GMDS: variants seen among roughly 807,000 people sequenced by gnomAD.
The protein encoded by GMDS is GDP-mannose 4,6-dehydratase.
GMDS carries 20 observed loss-of-function variants against 49.9 expected under a neutral mutation model. The observed-to-expected ratio is 0.40, with a 90% confidence interval of 0.28 to 0.58. GMDS has a LOEUF of 0.58. Among genes scored for constraint, GMDS ranks in the 20% least tolerant of loss-of-function variants. GMDS has a pLI of 0.42. For missense variants in GMDS, 362 were observed against 481.4 expected (o/e 0.75, Z 2.32); for synonymous variants, 177 against 178.6 (o/e 0.99, Z 0.07).
At chr6:1,845,959 C>A (rs1757387974) in intron 7 of GMDS, among the ~76,000 whole-genome samples, 1 of 152,064 alleles carries the variant, frequency 6.6e-6, no homozygotes, top group Non-Finnish European at 1.5e-5. Flanking sequence ...GGCATGAGGA[C>A]ATAGTGGAGT....
intron 1 of GMDS, among the ~76,000 whole-genome samples, chr6:2,196,462 A>T (rs1244376761): frequency 2.0e-5 from 3 of 152,152 alleles, no homozygotes; most frequent in African/African-American, 7.2e-5. Context: ...TACAGAAGGC[A>T]CTCCTGAAAT....
At chr6:2,027,611 A>T (rs541071370) in intron 4 of GMDS, among the ~76,000 whole-genome samples, 2 of 152,168 alleles carry the variant, frequency 1.3e-5, no homozygotes, top group Non-Finnish European at 2.9e-5. Flanking sequence ...TGCTCTATGA[A>T]CATGGCAGCT....
At chr6:1,984,610 T>C (rs1247767736) in intron 4 of GMDS, among the ~76,000 whole-genome samples, 2 of 152,190 alleles carry the variant, frequency 1.3e-5, no homozygotes, top group East Asian at 3.9e-4. Flanking sequence ...CATTGGCCTA[T>C]AGGCAAAATT....
intron 7 of GMDS, among the ~76,000 whole-genome samples, chr6:1,847,080 A>T (rs1320150087): frequency 6.6e-6 from 1 of 152,152 alleles, no homozygotes; most frequent in Non-Finnish European, 1.5e-5. Flanking sequence ...AAAATAAAAG[A>T]CGGTCTTGCT....
chr6:1,903,370 C>T (rs184997408), intron 7 of GMDS, among the ~76,000 whole-genome samples: 6 of 152,258 alleles, frequency 3.9e-5, no homozygotes, highest in South Asian at 2.1e-4. Context: ...TTTCTTCAAT[C>T]GGAATTTAAT....
intron 9 of GMDS, among the ~76,000 whole-genome samples, chr6:1,722,573 C>T (rs1766424872): frequency 6.6e-6 from 1 of 152,116 alleles, no homozygotes; most frequent in African/African-American, 2.4e-5. Context: ...AAGTACTTTG[C>T]ATAACTGACT....
intron 9 of GMDS, among the ~76,000 whole-genome samples, chr6:1,655,443 T>C (rs1212150384): frequency 1.3e-5 from 2 of 151,934 alleles, no homozygotes; most frequent in African/African-American, 2.4e-5. Flanking sequence ...GTAAAATATT[T>C]ACATTAGTTT....
At chr6:2,223,970 C>A (rs544573832) in intron 1 of GMDS, among the ~76,000 whole-genome samples, 4 of 152,152 alleles carry the variant, frequency 2.6e-5, no homozygotes, top group Admixed American at 2.0e-4. Flanking sequence ...GTGGGCAGAA[C>A]AATGCACTGA....
chr6:1,706,452 C>T (rs1162597166), intron 9 of GMDS, among the ~76,000 whole-genome samples: 1 of 152,232 alleles, frequency 6.6e-6, no homozygotes. Context: ...TTGTCTCTTT[C>T]CTCATGCGTT....
intron 7 of GMDS, among the ~76,000 whole-genome samples, chr6:1,810,351 T>C (rs1283498325): frequency 1.3e-5 from 2 of 152,126 alleles, no homozygotes; most frequent in African/African-American, 4.8e-5. Context: ...TGGAGTGCAG[T>C]GACTCACTGC....
chr6:1,717,272 A>ATGTT, intron 9 of GMDS, among the ~76,000 whole-genome samples: 1 of 152,386 alleles, frequency 6.6e-6, no homozygotes, highest in East Asian at 1.9e-4. Flanking sequence ...AAACCAACAT[A>ATGTT]GATTTTAGAC....
In GMDS at chr6:2,116,822, G is replaced by A. The variant is rs78401306; in HGVS notation, c.235+647C>T. On this transcript the variant is annotated intron_variant, in intron 3 of 10. Transcript: ENST00000380815. ...GACAGCTCTGCCTTCTTCACAGTGC[G>A]CAACCTCAGAAAACTCATAACCTCT... Among the ~76,000 whole-genome samples the A allele has an allele frequency of 0.011, 1,661 of 152,250 alleles. 63 individuals are homozygous for A. The East Asian group carries it at 0.11, about 10-fold the overall frequency.
chr6:1,782,379 T>A (rs919989732), intron 7 of GMDS, among the ~76,000 whole-genome samples: 28 of 152,238 alleles, frequency 1.8e-4, no homozygotes, highest in Non-Finnish European at 3.7e-4. Context: ...CTTATTTATC[T>A]TGAGTAAGGA....
chr6:1,808,293 T>A (rs1770265496), intron 7 of GMDS, among the ~76,000 whole-genome samples: 1 of 152,226 alleles, frequency 6.6e-6, no homozygotes, highest in African/African-American at 2.4e-5. Flanking sequence ...TTCCTTATGA[T>A]GAGGCTTGGC....
intron 1 of GMDS, among the ~76,000 whole-genome samples, chr6:2,234,196 TCTC>T (rs528636169): frequency 6.6e-6 from 1 of 152,154 alleles, no homozygotes; most frequent in Non-Finnish European, 1.5e-5. Context: ...GTCCTTTTAT[TCTC>T]CTCTCAAACA....
At chr6:1,716,766 C>A (rs1766190357) in intron 9 of GMDS, among the ~76,000 whole-genome samples, 1 of 152,178 alleles carries the variant, frequency 6.6e-6, no homozygotes. Flanking sequence ...ATTGTGAATT[C>A]TTTCCCAGTT....
chr6:2,169,642 A>C (rs1346300900), intron 1 of GMDS, among the ~76,000 whole-genome samples: 3 of 151,992 alleles, frequency 2.0e-5, no homozygotes, highest in African/African-American at 7.2e-5. Context: ...AAAAACAAAA[A>C]AAAAGGCAAT....
intron 6 of GMDS, among the ~76,000 whole-genome samples, chr6:1,944,396 T>A (rs1406710127): frequency 6.6e-6 from 1 of 151,872 alleles, no homozygotes; most frequent in Non-Finnish European, 1.5e-5. Flanking sequence ...TCCCAGCTGC[T>A]CGGGAGGCTG....
intron 4 of GMDS, among the ~76,000 whole-genome samples, chr6:2,047,082 T>C (rs1439862108): frequency 6.6e-6 from 1 of 152,228 alleles, no homozygotes; most frequent in Non-Finnish European, 1.5e-5. Flanking sequence ...AATTTTACTT[T>C]TTAGTTTTGT....
Sources: gnomAD v4.1 joint callset for allele counts (sites outside exome capture counted in the v4.1 genomes callset) on GRCh38, gnomAD v4.1.1 for gene constraint, MANE v1.5 for transcripts, NCBI Gene and HGNC (gene_info 2026-07-23, HGNC 2026-07-21) for gene names.